Variants in ZNF45 observed in about 807,000 individuals in gnomAD.
ZNF45 encodes BRC1744.
A neutral mutation model predicts 12.0 loss-of-function variants in ZNF45; 4 were observed. The observed-to-expected ratio is 0.33, with a 90% CI of 0.16 to 0.76. The LOEUF (loss-of-function observed/expected upper bound fraction) is 0.76, where lower values mean the gene tolerates loss of function less well. ZNF45 is among the 30% of genes least tolerant of loss of function. The pLI, the probability that ZNF45 is intolerant of heterozygous loss-of-function variation, is 0.60. For missense variants in ZNF45, 700 were observed against 813.0 expected (o/e 0.86, Z 1.69); for synonymous variants, 272 against 279.6 (o/e 0.97, Z 0.27).
At chr19:43,933,549 GA>G (rs1168149797) in intron 2 of ZNF45, among the ~76,000 whole-genome samples, 3 of 152,076 alleles carry the variant, frequency 2.0e-5, no homozygotes, top group South Asian at 2.1e-4. Context: ...ATACTCAAGG[GA>G]AAAAAAGTTG....
chr19:43,915,326 C>T (rs1972552945), intron 9 of ZNF45, 126 bp from the exon 10 acceptor site: 2 of 957,724 alleles, frequency 2.1e-6, no homozygotes, highest in Admixed American at 3.4e-5. Context: ...CCATTGCCTA[C>T]TGCATAGACA....
At position 43,914,483 on chromosome 19, in the gene ZNF45, C is replaced by T. The variant is rs781051550; in HGVS notation, c.953G>A (p.Arg318Gln). The change falls in exon 10 of 10, where the codon CGA (arginine) becomes CAA (glutamine). Residue 318 changes from arginine (R) to glutamine (Q), a missense_variant. By Grantham distance (43) the Arg-to-Gln change is conservative. Coordinates refer to ENST00000269973, the MANE Select transcript of ZNF45 (RefSeq NM_003425.4). Reference protein sequence around the residue: ...ECGKSFSWRSRLQAHERIHTG... With the variant: ...ECGKSFSWRSQLQAHERIHTG... ...GTGGATTCGCTCATGAGCCTGCAGT[C>T]GTGAACGCCAACTGAAGCTCTTCCC... 195 of 1,613,152 alleles carry T rather than the reference C, an allele frequency of 1.2e-4. No homozygotes were observed. Among genetic ancestry groups the T allele is most frequent in the Non-Finnish European group, 1.6e-4 (184 of 1,179,642 alleles).
At chr19:43,916,295 T>TTG (rs1254535492) in intron 9 of ZNF45, among the ~76,000 whole-genome samples, 1 of 151,786 alleles carries the variant, frequency 6.6e-6, no homozygotes, top group East Asian at 1.9e-4. Context: ...TTGTACTTTT[T>TTG]TGTAGAGATG....
At chr19:43,921,122 T>C (rs396063) in intron 7 of ZNF45, among the ~76,000 whole-genome samples, 151,531 of 152,312 alleles carry the variant, frequency 0.99, 75,382 homozygotes, top group Middle Eastern at 1. Flanking sequence ...GAATTCTTTT[T>C]CTTTGCCTCT....
At chr19:43,915,806 C>A (rs1051485074) in intron 9 of ZNF45, among the ~76,000 whole-genome samples, 1 of 152,182 alleles carries the variant, frequency 6.6e-6, no homozygotes, top group Non-Finnish European at 1.5e-5. Flanking sequence ...TGTGGAAAAA[C>A]CATCTTCCAA....
chr19:43,929,967 C>T (rs1973990163), intron 3 of ZNF45: 2 of 152,242 alleles, frequency 1.3e-5, no homozygotes, highest in Non-Finnish European at 2.9e-5. Flanking sequence ...CCACCTCCTG[C>T]CAGTTCAAGT....
chr19:43,922,819 TG>T (rs1280575787), intron 6 of ZNF45, among the ~76,000 whole-genome samples: 51 of 117,946 alleles, frequency 4.3e-4, no homozygotes, highest in Non-Finnish European at 5.0e-4. Context: ...ATAAATTCTT[TG>T]TTTTTTTTTT....
intron 9 of ZNF45, among the ~76,000 whole-genome samples, chr19:43,918,650 G>T (rs424729): frequency 6.6e-6 from 1 of 152,064 alleles, no homozygotes; most frequent in Admixed American, 6.5e-5. Flanking sequence ...TCCCCCAGTC[G>T]GTAGTATTTT....
chr19:43,914,119 T>C lies in ZNF45; in HGVS notation c.1317A>G (p.Thr439=). The stretch of plus-strand genomic sequence containing the variant: ...CCTCACATTTATAGGGTTTTTCCCC[T>C]GTATGGACTCTAAAATGAATGTTAA... ...SDFNIHFRVH[T]GEKPYKCEEC... The change falls in exon 10 of 10, where the codon ACA becomes ACG. Residue 439 remains threonine, a synonymous_variant. Transcript: ENST00000269973. The C allele has an allele frequency of 6.2e-7, 1 of 1,613,276 alleles. No individual in the cohort carries two copies. Among genetic ancestry groups the C allele is most frequent in the Non-Finnish European group, 8.5e-7 (1 of 1,179,760 alleles).
At chr19:43,919,426 GAGAA>G in intron 8 of ZNF45, 143 bp downstream of exon 8, 1 of 929,838 alleles carries the variant, frequency 1.1e-6, no homozygotes, top group Non-Finnish European at 1.6e-6. Context: ...TTTGCCAGGG[GAGAA>G]AGACTTTAAA....
intron 9 of ZNF45, among the ~76,000 whole-genome samples, chr19:43,918,651 G>A (rs576465915): frequency 3.2e-4 from 48 of 152,262 alleles, no homozygotes; most frequent in Middle Eastern, 6.8e-3. Context: ...CCCCCAGTCG[G>A]TAGTATTTTG....
Position 43,914,178 on chromosome 19 carries a change from C to T in ZNF45, c.1258G>A (p.Ala420Thr). The change falls in exon 10 of 10, where the codon GCA becomes ACA. Residue 420 changes from alanine to threonine, a missense_variant. Ala to Thr is a moderately conservative substitution (Grantham distance 58, BLOSUM62 0). Coordinates refer to ENST00000269973, the MANE Select transcript of ZNF45 (RefSeq NM_003425.4). ...CTACGACTGAAGCCCTTACCACATG[C>T]ATCACACTGATACGGTTTCTCTCCA... Reference protein sequence around the residue: ...HTGEKPYQCDACGKGFSRSSD... With the variant: ...HTGEKPYQCDTCGKGFSRSSD... 1 of 1,608,078 alleles carries T rather than the reference C, an allele frequency of 6.2e-7. No individual in the cohort carries two copies.
rs1972378215 is a variant in ZNF45 at position 43,913,557 on chromosome 19, G to A, written c.1879C>T (p.Leu627Phe). 1 of 1,613,668 alleles carries A rather than the reference G, an allele frequency of 6.2e-7. No homozygotes were observed. The highest frequency in any genetic ancestry group is 8.5e-7 in the Non-Finnish European group (1 of 1,179,856). ...GTGTGAACTCTTTGATGGGCTTGAA[G>A]GTATGAGCTCCAGCTGAAGACTTTC... ...CGKVFSWSSY[L>F]QAHQRVHTGE... The change falls in exon 10 of 10, where the codon CTT (leucine) becomes TTT (phenylalanine). Residue 627 changes from leucine to phenylalanine, a missense_variant. Leu to Phe is a conservative substitution (Grantham distance 22). Coordinates refer to ENST00000269973, the MANE Select transcript of ZNF45 (RefSeq NM_003425.4).
intron 3 of ZNF45, among the ~76,000 whole-genome samples, chr19:43,930,400 C>T (rs181428329): frequency 2.7e-4 from 41 of 152,234 alleles, no homozygotes; most frequent in Admixed American, 1.6e-3. Context: ...CCAGAACCCC[C>T]GAATTACTAA....
intron 9 of ZNF45, among the ~76,000 whole-genome samples, chr19:43,917,065 A>G (rs1008648023): frequency 1.3e-5 from 2 of 152,198 alleles, no homozygotes; most frequent in Admixed American, 1.3e-4. Context: ...ATATTTTTCT[A>G]TATAGATCAC....
chr19:43,917,674 C>G (rs568268268), intron 9 of ZNF45, among the ~76,000 whole-genome samples: 1 of 152,108 alleles, frequency 6.6e-6, no homozygotes, highest in South Asian at 2.1e-4. Context: ...TTAGTAGAGA[C>G]GGGGTTTCAC....
chr19:43,928,966 T>G lies in ZNF45; in HGVS notation c.-399-3508A>C, dbSNP rs904791903. Among the ~76,000 whole-genome samples the G allele has an allele frequency of 7.2e-5, 11 of 152,260 alleles. 1 individual carries two copies. Among genetic ancestry groups the G allele is most frequent in the Admixed American group, 7.2e-4 (11 of 15,292 alleles). ...TCACATGTAGTATCTCATTTGATTT[T>G]CATAACGATGATAGAGATTGAGAAA... On this transcript the variant is annotated intron_variant, in intron 3 of 9. Coordinates refer to ENST00000269973, the MANE Select transcript of ZNF45 (RefSeq NM_003425.4).
intron 7 of ZNF45, among the ~76,000 whole-genome samples, chr19:43,920,535 T>TGGGGGGGGGG (rs386389071): frequency 9.0e-5 from 2 of 22,346 alleles, no homozygotes; most frequent in Non-Finnish European, 2.4e-4. Context: ...TGTTGCCGGG[T>TGGGGGGGGGG]GGGGGGGGGG....
rs375690021 is a variant in ZNF45, at chr19:43,914,729, G to C, written c.707C>G (p.Pro236Arg). Residue 236 changes from proline (P) to arginine (R), a missense_variant, in exon 10 of 10, where the codon CCC becomes CGC. Physicochemically the swap from Pro to Arg is moderately radical, Grantham distance 103. Coordinates refer to ENST00000269973, the MANE Select transcript of ZNF45 (RefSeq NM_003425.4). Reference protein sequence around the residue: ...YRSFSQRSHLPHHQRVPTGEN... With the variant: ...YRSFSQRSHLRHHQRVPTGEN... ...TCCAGTGGGAACTCTCTGATGATGGGGAAGATGTGACCTCTGACTAAAACT... is the reference window on the plus strand; with the variant it reads ...TCCAGTGGGAACTCTCTGATGATGGCGAAGATGTGACCTCTGACTAAAACT... The C allele has an allele frequency of 6.2e-7, 1 of 1,614,144 alleles. No homozygotes were observed. The highest frequency in any genetic ancestry group is 1.7e-5 in the Admixed American group (1 of 60,026).
Sources: allele counts gnomAD v4.1 joint callset (sites outside exome capture counted in the v4.1 genomes callset), GRCh38; gene constraint gnomAD v4.1.1; transcripts MANE v1.5; gene names NCBI Gene and HGNC (gene_info 2026-07-23, HGNC 2026-07-21).